Variants in OGA observed in about 807,000 individuals in gnomAD.
OGA encodes the protein protein O-GlcNAcase.
OGA carries 21 observed loss-of-function variants against 102.0 expected under a neutral mutation model. The observed-to-expected ratio is 0.21, with a 90% CI of 0.15 to 0.30. OGA has a LOEUF of 0.30. OGA is among the 10% of genes least tolerant of loss of function. The pLI is 1.00. For missense variants in OGA, 765 were observed against 1,107.8 expected (o/e 0.69, Z 4.39); for synonymous variants, 408 against 378.2 (o/e 1.08, Z -0.91).
chr10:101,797,670 G>A, intron 10 of OGA: 1 of 499,366 alleles, frequency 2.0e-6, no homozygotes, highest in Non-Finnish European at 3.5e-6. Context: ...CTCCAAATCA[G>A]ATAAAAGTGG....
At position 101,818,073 on chromosome 10, in the gene OGA, C is replaced by T; in HGVS notation, c.-51G>A. The stretch of plus-strand genomic sequence containing the variant: ...TCTGCGGGTCCTCCTCGACCTCTGT[C>T]CGTTGGGGCACCGGCCCGGAGCCCT... On this transcript the variant is annotated 5_prime_UTR_variant, in exon 1 of 16. Coordinates refer to ENST00000361464, the MANE Select transcript of OGA (RefSeq NM_012215.5). The T allele has an allele frequency of 1.3e-6, 2 of 1,489,824 alleles. No homozygotes were observed. 92.3% of individuals were successfully genotyped at this position (1,489,824 alleles called of 1,614,324 possible).
At chr10:101,798,772 G>C in intron 9 of OGA, 70 bp downstream of exon 9, 7 of 1,513,316 alleles carry the variant, frequency 4.6e-6, no homozygotes, top group Non-Finnish European at 6.2e-6. Context: ...ACTCATTTAA[G>C]AACCTTTTCC....
chr10:101,813,682 A>G, intron 1 of OGA, 76 bp from the exon 2 acceptor site: 1 of 843,992 alleles, frequency 1.2e-6, no homozygotes, highest in Non-Finnish European at 1.9e-6. Context: ...CAAGTTACAA[A>G]ACATATAATA....
chr10:101,799,211 G>C lies in OGA; in HGVS notation c.1440C>G (p.Asp480Glu), dbSNP rs746285394. 6.2e-7 allele frequency: 1 copy of C among 1,614,194 alleles called. No individual in the cohort carries two copies. The highest frequency in any genetic ancestry group is 8.5e-7 in the Non-Finnish European group (1 of 1,180,030). ...CAACAATTTCACTCAGTATTTGATT[G>C]TCATTCTTGTGGTCCGTTTCTTCTT... ...EKQEETDHKN[D>E]NQILSEIVEA... The change falls in exon 9 of 16, where the codon GAC (aspartate) becomes GAG (glutamate). Residue 480 changes from aspartate (D) to glutamate (E), a missense_variant. Coordinates refer to ENST00000361464, the MANE Select transcript of OGA (RefSeq NM_012215.5).
At chr10:101,815,548 T>C (rs1021065957) in intron 1 of OGA, among the ~76,000 whole-genome samples, 1 of 151,910 alleles carries the variant, frequency 6.6e-6, no homozygotes, top group African/African-American at 2.4e-5. Context: ...CCTCCCAAAG[T>C]GCTGGGATTA....
At chr10:101,811,611 G>A (rs1308824958) in intron 3 of OGA, among the ~76,000 whole-genome samples, 1 of 151,874 alleles carries the variant, frequency 6.6e-6, no homozygotes, top group Non-Finnish European at 1.5e-5. Context: ...ACTGAGGCGG[G>A]AGGATTGCTT....
intron 8 of OGA, among the ~76,000 whole-genome samples, 165 bp from the exon 9 acceptor site, chr10:101,799,620 CTA>C (rs1484699412): frequency 6.6e-6 from 1 of 152,148 alleles, no homozygotes; most frequent in Admixed American, 6.5e-5. Flanking sequence ...TTTCTCTATA[CTA>C]CTAGGGATGC....
At chr10:101,791,510 G>T in intron 12 of OGA, 71 bp from the exon 13 acceptor site, 1 of 1,263,098 alleles carries the variant, frequency 7.9e-7, no homozygotes, top group Non-Finnish European at 1.2e-6. Context: ...TAACTCACAA[G>T]TCAGTCTGGG....
chr10:101,810,356 A>C, intron 3 of OGA, 42 bp from the exon 4 acceptor site: 1 of 1,547,012 alleles, frequency 6.5e-7, no homozygotes, highest in Non-Finnish European at 8.8e-7. Flanking sequence ...AGAACAGAAA[A>C]CTAAAAGAAC....
At chr10:101,812,627 T>C (rs974863031) in intron 3 of OGA, among the ~76,000 whole-genome samples, 2 of 152,324 alleles carry the variant, frequency 1.3e-5, no homozygotes, top group Middle Eastern at 3.4e-3. Context: ...TTTAAAAAAA[T>C]TGCATAAAAT....
chr10:101,795,627 C>A (rs1340814662), intron 10 of OGA, among the ~76,000 whole-genome samples: 2 of 152,172 alleles, frequency 1.3e-5, no homozygotes, highest in Non-Finnish European at 2.9e-5. Context: ...GAAATTACTA[C>A]AGAACCAAGA....
intron 3 of OGA, chr10:101,812,739 T>C (rs527313055): frequency 6.9e-5 from 33 of 476,010 alleles, no homozygotes; most frequent in Admixed American, 6.3e-4. Context: ...CAGCACTTCT[T>C]TGCCCAGTGG....
chr10:101,804,558 C>A (rs1296206012), intron 6 of OGA, among the ~76,000 whole-genome samples: 6 of 152,170 alleles, frequency 3.9e-5, no homozygotes, highest in African/African-American at 1.4e-4. Flanking sequence ...CAGGCGTGAG[C>A]CACTGCGCCT....
rs369777459 is a variant in OGA, at chr10:101,818,015, T to A, written c.8A>T (p.Gln3Leu). Residue 3 changes from glutamine to leucine, a missense_variant, in exon 1 of 16, where the codon CAG becomes CTG. Coordinates refer to ENST00000361464, the MANE Select transcript of OGA (RefSeq NM_012215.5). MV[Q>L]KESQATLEER... ...CTCCAACGTCGCTTGACTCTCCTTCTGCACCATCCTCCTGCCCCCGGCCGC... is the reference window on the plus strand; with the variant it reads ...CTCCAACGTCGCTTGACTCTCCTTCAGCACCATCCTCCTGCCCCCGGCCGC... The A allele has an allele frequency of 2.0e-4, 318 of 1,588,370 alleles. No individual in the cohort carries two copies. Among genetic ancestry groups the A allele is most frequent in the Admixed American group, 3.6e-4 (21 of 58,496 alleles).
chr10:101,811,530 CT>C (rs1198925867), intron 3 of OGA, among the ~76,000 whole-genome samples: 1 of 151,458 alleles, frequency 6.6e-6, no homozygotes, highest in African/African-American at 2.4e-5. Flanking sequence ...TGGCAAACCC[CT>C]CTCTCTACAA....
chr10:101,813,415 A>G, intron 2 of OGA, 140 bp downstream of exon 2: 3 of 611,510 alleles, frequency 4.9e-6, no homozygotes, highest in Non-Finnish European at 8.4e-6. Flanking sequence ...TGAAGAAAAA[A>G]GGGACCAAGG....
intron 5 of OGA, among the ~76,000 whole-genome samples, chr10:101,806,347 C>T (rs983713423): frequency 6.6e-6 from 1 of 152,170 alleles, no homozygotes; most frequent in Admixed American, 6.5e-5. Flanking sequence ...GGACTACAGG[C>T]GCACGCCGCC....
chr10:101,802,463 C>A (rs1190412207), intron 7 of OGA, among the ~76,000 whole-genome samples: 2 of 152,138 alleles, frequency 1.3e-5, no homozygotes, highest in Admixed American at 6.5e-5. Context: ...CACCTGAGGT[C>A]AGGAGTTCAA....
rs2065190509 is a variant in OGA at position 101,786,397 on chromosome 10, C to G, written c.*54G>C. ...TGAACTGTATGAAGACCTCAACTAC[C>G]ATTCACAAGGTGCAGTTAAGAGACT... On this transcript the variant is annotated 3_prime_UTR_variant, in exon 16 of 16. Transcript: ENST00000361464. 4 of 1,499,298 alleles carry G rather than the reference C, an allele frequency of 2.7e-6. No homozygotes were observed. The highest frequency in any genetic ancestry group is 1.4e-5 in the African/African-American group (1 of 70,852). The allele number at this position is 1,499,298 out of a possible 1,614,324, so 92.9% of individuals were successfully genotyped here.
Sources: allele counts gnomAD v4.1 joint callset (sites outside exome capture counted in the v4.1 genomes callset), GRCh38; gene constraint gnomAD v4.1.1; transcripts MANE v1.5; gene names NCBI Gene and HGNC (gene_info 2026-07-23, HGNC 2026-07-21).